The following EMCN variants were observed in gnomAD, a reference collection of about 807,000 sequenced individuals.
EMCN encodes the protein endomucin.
Under a neutral mutation model 38.4 loss-of-function variants are expected in EMCN, and 37 were observed. That is an observed-to-expected ratio of 0.96 (90% CI 0.74 to 1.27). The LOEUF is 1.27. Ranked by LOEUF, EMCN falls within the 50% of genes most tolerant of loss-of-function variation. The probability of loss-of-function intolerance (pLI) is 0.00; values close to 1 mark genes in which losing one functional copy is unlikely to be tolerated. For synonymous variants in EMCN, 95 were observed against 100.8 expected, an observed-to-expected ratio of 0.94 and a Z score of 0.35; for missense variants, 318 against 302.8, an observed-to-expected ratio of 1.05 and a Z score of -0.37.
At chr4:100,414,732 C>A (rs1726665728) in intron 10 of EMCN, among the ~76,000 whole-genome samples, 1 of 152,028 alleles carries the variant, frequency 6.6e-6, no homozygotes, top group South Asian at 2.1e-4. Context: ...CACTTTCAGC[C>A]TTTAATATCT....
At position 100,503,386 on chromosome 4, in the gene EMCN, ATTATAC is replaced by A. The variant is rs1453032921; in HGVS notation, c.64+14459_64+14464del. Among the ~76,000 whole-genome samples the A allele has an allele frequency of 2.0e-5, 3 of 152,106 alleles. No homozygotes were observed. The East Asian group carries it at 5.8e-4, about 29-fold the overall frequency. On this transcript the variant is annotated intron_variant, in intron 1 of 11. Transcript: ENST00000296420. Reference sequence around the variant, plus strand: ...ATAAGGCTTTTCATAATATCTATTTATTATACTTATATTTTGGCACAATTTGCAGTA... The same window carrying A: ...ATAAGGCTTTTCATAATATCTATTTATTATATTTTGGCACAATTTGCAGTA...
At chr4:100,473,287 A>G (rs933921924) in intron 3 of EMCN, among the ~76,000 whole-genome samples, 2 of 149,266 alleles carry the variant, frequency 1.3e-5, no homozygotes, top group Non-Finnish European at 3.0e-5. Context: ...TCGGCCTCCC[A>G]AAGTGTTGGG....
chr4:100,421,487 C>T (rs1726886980), intron 7 of EMCN, 110 bp from the exon 8 acceptor site: 2 of 797,856 alleles, frequency 2.5e-6, no homozygotes, highest in Non-Finnish European at 2.1e-6. Context: ...AAATATCATT[C>T]TATTAAAAAC....
chr4:100,503,687 TACC>T (rs1019483682), intron 1 of EMCN, among the ~76,000 whole-genome samples: 1 of 152,188 alleles, frequency 6.6e-6, no homozygotes, highest in Non-Finnish European at 1.5e-5. Context: ...CAAGCAATCT[TACC>T]ACCTCAGGAA....
At chr4:100,500,600 T>C (rs1729326669) in intron 1 of EMCN, among the ~76,000 whole-genome samples, 1 of 152,100 alleles carries the variant, frequency 6.6e-6, no homozygotes, top group South Asian at 2.1e-4. Flanking sequence ...TATGTGTACA[T>C]GTGAATATAA....
chr4:100,399,304 G>C (rs1233850796), intron 11 of EMCN, among the ~76,000 whole-genome samples: 2 of 152,176 alleles, frequency 1.3e-5, no homozygotes, highest in African/African-American at 4.8e-5. Context: ...GCTGATGGCA[G>C]TGTTGGTGGT....
chr4:100,454,306 A>G (rs1222848578), intron 4 of EMCN, among the ~76,000 whole-genome samples: 2 of 151,592 alleles, frequency 1.3e-5, no homozygotes, highest in Admixed American at 6.6e-5. Context: ...TTTACACTCA[A>G]TCCCTCCACA....
At chr4:100,405,481 C>G (rs1001351178) in intron 11 of EMCN, among the ~76,000 whole-genome samples, 8 of 151,908 alleles carry the variant, frequency 5.3e-5, no homozygotes, top group Non-Finnish European at 7.4e-5. Context: ...GATGATCATG[C>G]AATTTTTGTT....
chr4:100,395,965 C>T lies in EMCN; in HGVS notation c.*2448G>A, dbSNP rs1726108605. 6.6e-6 allele frequency: 1 copy of T among 152,100 alleles called. No individual in the cohort carries two copies. The highest frequency in any genetic ancestry group is 1.5e-5 in the Non-Finnish European group (1 of 68,006). 9.4% of individuals were successfully genotyped at this position (152,100 alleles called of 1,614,324 possible). A position where few individuals can be genotyped will look rare whatever the true frequency, so the allele number is the denominator to read the frequency against. On this transcript the variant is annotated 3_prime_UTR_variant, in exon 12 of 12. Transcript: ENST00000296420. ...ACACATAGAAAGTCTTGCCTTTGATCTAAATACAGGCACTTCTTTGTTGCA... is the reference window on the plus strand; with the variant it reads ...ACACATAGAAAGTCTTGCCTTTGATTTAAATACAGGCACTTCTTTGTTGCA...
chr4:100,431,619 G>C (rs1727201366), intron 5 of EMCN, among the ~76,000 whole-genome samples: 1 of 152,066 alleles, frequency 6.6e-6, no homozygotes. Context: ...CAGTGACCCT[G>C]GTTCTCAGGC....
chr4:100,453,774 A>G (rs1480914373), intron 4 of EMCN, among the ~76,000 whole-genome samples: 1 of 152,024 alleles, frequency 6.6e-6, no homozygotes, highest in Non-Finnish European at 1.5e-5. Flanking sequence ...AACCAACCTA[A>G]ATGTCCAACA....
chr4:100,426,748 AT>A (rs930549044), intron 5 of EMCN, among the ~76,000 whole-genome samples: 1 of 151,902 alleles, frequency 6.6e-6, no homozygotes, highest in African/African-American at 2.4e-5. Flanking sequence ...TTTATTTTCC[AT>A]TTTTTTTGGG....
intron 11 of EMCN, among the ~76,000 whole-genome samples, chr4:100,403,852 G>T (rs369256534): frequency 1.3e-5 from 2 of 152,046 alleles, no homozygotes; most frequent in East Asian, 1.9e-4. Flanking sequence ...GCATATGCTT[G>T]TTGGCCCTGT....
chr4:100,447,914 C>A (rs749721645), intron 4 of EMCN, among the ~76,000 whole-genome samples: 1 of 151,936 alleles, frequency 6.6e-6, no homozygotes, highest in South Asian at 2.1e-4. Context: ...ACTTTATTTT[C>A]AAAAAGTCAG....
At chr4:100,456,470 A>G (rs1314477400) in intron 4 of EMCN, among the ~76,000 whole-genome samples, 1 of 152,172 alleles carries the variant, frequency 6.6e-6, no homozygotes, top group Non-Finnish European at 1.5e-5. Context: ...TTAGAGCTAT[A>G]AATTTTACCG....
intron 4 of EMCN, among the ~76,000 whole-genome samples, chr4:100,448,503 G>C (rs557157722): frequency 6.6e-6 from 1 of 152,242 alleles, no homozygotes; most frequent in African/African-American, 2.4e-5. Flanking sequence ...TCAGTAGCCT[G>C]TCTTGAGTTG....
Position 100,449,117 on chromosome 4 carries a change from A to G in EMCN, c.377-1546T>C, listed in dbSNP as rs190444097. Among the ~76,000 whole-genome samples, 208 of 152,238 alleles carry G rather than the reference A, an allele frequency of 1.4e-3. 1 individual carries two copies. The highest frequency in any genetic ancestry group is 4.8e-3 in the African/African-American group (198 of 41,542). ...GATTCCAGTGCTTACCAGTAGAAAC[A>G]TATGGATAGAATGAATGACAGTAGA... On this transcript the variant is annotated intron_variant, in intron 4 of 11. Transcript: ENST00000296420.
intron 1 of EMCN, among the ~76,000 whole-genome samples, chr4:100,510,339 T>C (rs1729594422): frequency 6.6e-6 from 1 of 152,186 alleles, no homozygotes; most frequent in African/African-American, 2.4e-5. Flanking sequence ...ATGTATAAAA[T>C]TGTGCCTGCA....
chr4:100,435,772 TG>T (rs1192868510), intron 5 of EMCN, among the ~76,000 whole-genome samples: 1 of 152,030 alleles, frequency 6.6e-6, no homozygotes, highest in Non-Finnish European at 1.5e-5. Flanking sequence ...AAACAAGCAA[TG>T]GGGAAAGGAT....
Sources: gnomAD v4.1 joint callset for allele counts (sites outside exome capture counted in the v4.1 genomes callset) on GRCh38, gnomAD v4.1.1 for gene constraint, MANE v1.5 for transcripts, NCBI Gene and HGNC (gene_info 2026-07-23, HGNC 2026-07-21) for gene names.